The following EPB41L4A variants were observed in gnomAD, a reference collection of about 807,000 sequenced individuals.
EPB41L4A encodes the protein erythrocyte membrane protein band 4.1 like 4A, also known as band 4.1-like protein 4A.
In EPB41L4A, 100 loss-of-function variants were observed where a neutral mutation model predicts 108.6. The ratio of observed to expected loss-of-function variants is 0.92; its 90% CI spans 0.78 to 1.09. The LOEUF is 1.09. Ranked by LOEUF, EPB41L4A falls within the 50% of genes least tolerant of loss-of-function variation. EPB41L4A has a pLI of 0.00. For missense variants in EPB41L4A, 1,030 were observed against 842.7 expected, an observed-to-expected ratio of 1.22 and a Z score of -2.75; for synonymous variants, 319 against 289.0, an observed-to-expected ratio of 1.10 and a Z score of -1.05.
At chr5:112,352,535 T>C (rs927542340) in intron 1 of EPB41L4A, among the ~76,000 whole-genome samples, 2 of 152,236 alleles carry the variant, frequency 1.3e-5, no homozygotes, top group African/African-American at 4.8e-5. Flanking sequence ...AGACTATATG[T>C]GAAGCCACAA....
intron 22 of EPB41L4A, among the ~76,000 whole-genome samples, chr5:112,166,737 C>A (rs1409869151): frequency 6.6e-6 from 1 of 152,228 alleles, no homozygotes; most frequent in East Asian, 1.9e-4. Flanking sequence ...AAGAGCCAGA[C>A]TGTAAACTAC....
intron 9 of EPB41L4A, among the ~76,000 whole-genome samples, chr5:112,244,810 G>A: frequency 6.6e-6 from 1 of 152,058 alleles, no homozygotes; most frequent in East Asian, 1.9e-4. Flanking sequence ...TAGCTTGCAG[G>A]GTGCTCTTTG....
intron 9 of EPB41L4A, chr5:112,256,939 AAAC>A (rs1209202158): frequency 1.3e-5 from 2 of 152,222 alleles, no homozygotes; most frequent in African/African-American, 4.8e-5. Context: ...AAAATTATGT[AAAC>A]AACAGTACTT....
intron 17 of EPB41L4A, among the ~76,000 whole-genome samples, chr5:112,186,680 G>C (rs181614387): frequency 1.9e-4 from 29 of 152,298 alleles, no homozygotes; most frequent in Admixed American, 5.9e-4. Context: ...ACATTTTCCT[G>C]AGTAATGGGT....
Position 112,303,615 on chromosome 5 carries a change from G to T in EPB41L4A, c.204+3771C>A, listed in dbSNP as rs113625978. ...GAATATAGTGCCAGAAGAACAAAAT[G>T]AGAAGATTTCAAGAATGGGCAAGTT... is the stretch of plus-strand genomic sequence containing the variant. On this transcript the variant is annotated intron_variant, in intron 2 of 22. Coordinates refer to ENST00000261486, the MANE Select transcript of EPB41L4A (RefSeq NM_022140.5). Among the ~76,000 whole-genome samples the T allele has an allele frequency of 8.8e-3, 1,339 of 152,220 alleles. 28 individuals are homozygous for T. The highest frequency in any genetic ancestry group is 0.053 in the South Asian group (257 of 4,824).
chr5:112,345,778 TATACACAC>T (rs143818592), intron 1 of EPB41L4A, among the ~76,000 whole-genome samples: 42,567 of 129,744 alleles, frequency 0.33, 6,386 homozygotes, highest in South Asian at 0.45. Flanking sequence ...CATATATATA[TATACACAC>T]ACACACACAC....
chr5:112,313,288 T>C (rs1196549807), intron 1 of EPB41L4A, among the ~76,000 whole-genome samples: 1 of 152,154 alleles, frequency 6.6e-6, no homozygotes, highest in East Asian at 1.9e-4. Context: ...GAGATTTGGT[T>C]ATCATCAAAA....
chr5:112,364,009 TTTCATTCATTTA>T (rs897861092), intron 1 of EPB41L4A, among the ~76,000 whole-genome samples: 5 of 110,908 alleles, frequency 4.5e-5, no homozygotes, highest in Non-Finnish European at 6.1e-5. Flanking sequence ...CAATATTTGC[TTTCATTCATTTA>T]TTCATTCATT....
Position 112,184,136 on chromosome 5 carries a change from C to G in EPB41L4A, c.1503-1G>C. 1 of 1,613,824 alleles carries G rather than the reference C, an allele frequency of 6.2e-7. No homozygotes were observed. Among genetic ancestry groups the G allele is most frequent in the Non-Finnish European group, 8.5e-7 (1 of 1,179,830 alleles). ...AACCATATCATTCTCCTGCCGTATT[C>G]TGAAAGGAAAGCCATGCATCTGAAG... On this transcript the variant is annotated splice_acceptor_variant, in intron 17 of 22. Transcript: ENST00000261486. LOFTEE classifies it high-confidence loss of function.
Position 112,408,711 on chromosome 5 carries a change from AAAAAAAAG to A in EPB41L4A, c.99+10222_99+10229del, listed in dbSNP as rs1762238155. Among the ~76,000 whole-genome samples, 11 of 68,312 alleles carry A rather than the reference AAAAAAAAG, an allele frequency of 1.6e-4. 3 individuals are homozygous for A. Among genetic ancestry groups the A allele is most frequent in the East Asian group, 1.3e-3 (3 of 2,322 alleles). The allele number at this position is 68,312 out of a possible 152,430, so 44.8% of individuals were successfully genotyped here. A position where few individuals can be genotyped will look rare whatever the true frequency, so the allele number is the denominator to read the frequency against. On this transcript the variant is annotated intron_variant, in intron 1 of 22. Transcript: ENST00000261486. ...AAAAAAAAAAAAAAAAAAAAAAAAA[AAAAAAAAG>A]GGCCAGTAAGCACAAGAAAAGATGC... is the stretch of plus-strand genomic sequence containing the variant.
chr5:112,312,937 G>A (rs1255740888), intron 1 of EPB41L4A, among the ~76,000 whole-genome samples: 1 of 152,142 alleles, frequency 6.6e-6, no homozygotes. Context: ...GAACCAAAGT[G>A]CAATTAAAGT....
intron 3 of EPB41L4A, among the ~76,000 whole-genome samples, chr5:112,275,719 G>GA (rs893282098): frequency 4.8e-5 from 7 of 147,064 alleles, no homozygotes; most frequent in African/African-American, 1.3e-4. Flanking sequence ...AGTGAAGAAA[G>GA]AAAAAAAATA....
At chr5:112,243,552 C>A (rs1467558319) in intron 9 of EPB41L4A, among the ~76,000 whole-genome samples, 1 of 152,158 alleles carries the variant, frequency 6.6e-6, no homozygotes, top group African/African-American at 2.4e-5. Flanking sequence ...TAGATGGCAT[C>A]TTCTTCCAAC....
chr5:112,234,577 C>T (rs1318856941), intron 12 of EPB41L4A, 57 bp downstream of exon 12: 12 of 1,576,476 alleles, frequency 7.6e-6, no homozygotes, highest in Non-Finnish European at 9.5e-6. Flanking sequence ...ATATCTTACA[C>T]TACCAGCCTA....
Position 112,231,325 on chromosome 5 carries a change from C to G in EPB41L4A, c.1087+3309G>C, listed in dbSNP as rs1190777326. 3.9e-5 allele frequency among the ~76,000 whole-genome samples: 6 copies of G among 152,116 alleles called. No individual in the cohort carries two copies. The East Asian group carries it at 1.2e-3, about 29-fold the overall frequency. On this transcript the variant is annotated intron_variant, in intron 12 of 22. Coordinates refer to ENST00000261486, the MANE Select transcript of EPB41L4A (RefSeq NM_022140.5). ...GTACCACTTGTGTGAAAAAGATATA[C>G]AATTGACCAAAAGGCTGTATAATAC...
intron 9 of EPB41L4A, chr5:112,257,104 T>C (rs1027925601): frequency 1.3e-5 from 2 of 152,160 alleles, no homozygotes; most frequent in African/African-American, 2.4e-5. Context: ...TGATGGGTTT[T>C]AAGGGGCTTT....
intron 12 of EPB41L4A, among the ~76,000 whole-genome samples, chr5:112,225,446 T>A (rs1748385034): frequency 6.6e-6 from 1 of 152,200 alleles, no homozygotes; most frequent in Admixed American, 6.5e-5. Context: ...ATGTCTCAGC[T>A]CTGAGCTTAT....
At chr5:112,152,640 G>A (rs940462011) in intron 12 of EPB41L4A, among the ~76,000 whole-genome samples, 1 of 152,116 alleles carries the variant, frequency 6.6e-6, no homozygotes, top group African/African-American at 2.4e-5. Context: ...ATAAATTTGT[G>A]TTGTGATAAA....
At chr5:112,406,215 C>T (rs1180639246) in intron 1 of EPB41L4A, among the ~76,000 whole-genome samples, 1 of 152,168 alleles carries the variant, frequency 6.6e-6, no homozygotes, top group African/African-American at 2.4e-5. Context: ...ATCTATTAGC[C>T]TCCTAATGAT....
Sources: gnomAD v4.1 joint callset for allele counts (sites outside exome capture counted in the v4.1 genomes callset) on GRCh38, gnomAD v4.1.1 for gene constraint, MANE v1.5 for transcripts, NCBI Gene and HGNC (gene_info 2026-07-23, HGNC 2026-07-21) for gene names.